MCU: variants seen among roughly 807,000 people sequenced by gnomAD.
MCU encodes mitochondrial calcium uniporter, also known as calcium uniporter protein, mitochondrial.
In MCU, 12 loss-of-function variants were observed where a neutral mutation model predicts 45.2. The ratio of observed to expected loss-of-function variants is 0.27; its 90% CI spans 0.17 to 0.43. The LOEUF is 0.43. Ranked by LOEUF, MCU falls within the 20% of genes least tolerant of loss-of-function variation. MCU has a pLI of 1.00. For synonymous variants in MCU, 160 were observed against 165.1 expected (o/e 0.97, Z 0.24); for missense variants, 324 against 436.7 (o/e 0.74, Z 2.30).
chr10:72,837,288 T>A (rs1844968835), intron 2 of MCU, among the ~76,000 whole-genome samples: 1 of 152,122 alleles, frequency 6.6e-6, no homozygotes, highest in Non-Finnish European at 1.5e-5. Flanking sequence ...TAGGAAATTT[T>A]GCATACAATT....
chr10:72,860,675 A>G (rs541780090), intron 4 of MCU, 148 bp downstream of exon 4: 5 of 606,120 alleles, frequency 8.2e-6, no homozygotes, highest in African/African-American at 5.5e-5. Flanking sequence ...ATTTCAGTTG[A>G]AGAGCTCATT....
Position 72,886,240 on chromosome 10 carries a change from T to C in MCU, c.*418T>C, listed in dbSNP as rs1472970386. On this transcript the variant is annotated 3_prime_UTR_variant, in exon 8 of 8. Transcript: ENST00000373053. Reference sequence around the variant, plus strand: ...TTTTTGACATAGGAGTAAATAAATATACTAGAAAAGCAAATTCTCATGATA... The same window carrying C: ...TTTTTGACATAGGAGTAAATAAATACACTAGAAAAGCAAATTCTCATGATA... 1.3e-5 allele frequency: 2 copies of C among 154,878 alleles called. No individual in the cohort carries two copies. Among genetic ancestry groups the C allele is most frequent in the Non-Finnish European group, 2.9e-5 (2 of 69,528 alleles). 9.6% of individuals were successfully genotyped at this position (154,878 alleles called of 1,614,324 possible).
chr10:72,884,766 G>A lies in MCU; in HGVS notation c.978+384G>A, dbSNP rs536851316. 7.9e-5 allele frequency among the ~76,000 whole-genome samples: 12 copies of A among 151,846 alleles called. No homozygotes were observed. In the South Asian group the frequency reaches 2.3e-3, roughly 29 times the overall value. On this transcript the variant is annotated intron_variant, in intron 7 of 7. Transcript: ENST00000373053. Reference sequence around the variant, plus strand: ...TTTCACAAAAATGTGTGGTAGCAGTGGGGAAAAGTAAAACCCAGGTAAGAG... The same window carrying A: ...TTTCACAAAAATGTGTGGTAGCAGTAGGGAAAAGTAAAACCCAGGTAAGAG...
intron 4 of MCU, among the ~76,000 whole-genome samples, chr10:72,862,850 G>A (rs1447505175): frequency 6.6e-6 from 1 of 151,824 alleles, no homozygotes; most frequent in Non-Finnish European, 1.5e-5. Flanking sequence ...CTTAAGACCA[G>A]GAGTTTGGGA....
chr10:72,734,912 C>T (rs1003008014), intron 1 of MCU, among the ~76,000 whole-genome samples: 5 of 152,014 alleles, frequency 3.3e-5, no homozygotes, highest in East Asian at 1.9e-4. Flanking sequence ...CCCGTCTCTA[C>T]GAATAATTTT....
At chr10:72,803,414 A>G (rs1046723455) in intron 1 of MCU, among the ~76,000 whole-genome samples, 4 of 151,832 alleles carry the variant, frequency 2.6e-5, no homozygotes, top group Admixed American at 1.3e-4. Flanking sequence ...TGCTTGCCAC[A>G]AAGAAAAAAT....
chr10:72,791,483 A>T (rs1392744788), intron 1 of MCU, among the ~76,000 whole-genome samples: 1 of 152,128 alleles, frequency 6.6e-6, no homozygotes, highest in Non-Finnish European at 1.5e-5. Context: ...TTCTCTTTAG[A>T]TAATGTTTCT....
intron 1 of MCU, among the ~76,000 whole-genome samples, chr10:72,697,371 C>T (rs1842701950): frequency 6.6e-6 from 1 of 151,284 alleles, no homozygotes; most frequent in Non-Finnish European, 1.5e-5. Flanking sequence ...CCTGCCTCGG[C>T]CTCCCAAAAT....
At chr10:72,736,247 T>A (rs1240391153) in intron 1 of MCU, among the ~76,000 whole-genome samples, 1 of 152,206 alleles carries the variant, frequency 6.6e-6, no homozygotes, top group Non-Finnish European at 1.5e-5. Flanking sequence ...TTTCTGTAGT[T>A]GATCTGGCTG....
chr10:72,738,647 A>T (rs1239025376), intron 1 of MCU, among the ~76,000 whole-genome samples: 1 of 152,230 alleles, frequency 6.6e-6, no homozygotes, highest in South Asian at 2.1e-4. Context: ...TGGAAATGCT[A>T]TATTTGGCAC....
chr10:72,836,259 A>G (rs1197453721), intron 2 of MCU, among the ~76,000 whole-genome samples: 1 of 152,172 alleles, frequency 6.6e-6, no homozygotes, highest in Non-Finnish European at 1.5e-5. Flanking sequence ...ACATATATCA[A>G]TATATATTCA....
chr10:72,718,916 G>A (rs1564537567), intron 1 of MCU, among the ~76,000 whole-genome samples: 1 of 152,148 alleles, frequency 6.6e-6, no homozygotes, highest in Non-Finnish European at 1.5e-5. Context: ...GAATTCAAAA[G>A]CAGGTAAAAC....
intron 1 of MCU, among the ~76,000 whole-genome samples, chr10:72,750,876 A>G (rs1202588152): frequency 1.3e-5 from 2 of 152,252 alleles, no homozygotes; most frequent in Non-Finnish European, 2.9e-5. Flanking sequence ...ATGAAATCAA[A>G]TAGTTTATAA....
chr10:72,698,031 T>G (rs909803160), intron 1 of MCU, among the ~76,000 whole-genome samples: 2 of 152,138 alleles, frequency 1.3e-5, no homozygotes, highest in Non-Finnish European at 1.5e-5. Context: ...TCCTCTCACT[T>G]TAGCCTCCCA....
At chr10:72,764,312 A>G (rs1029831018) in intron 1 of MCU, among the ~76,000 whole-genome samples, 2 of 152,234 alleles carry the variant, frequency 1.3e-5, no homozygotes, top group African/African-American at 2.4e-5. Flanking sequence ...TTGTCTGCAG[A>G]AGGAACTTGT....
At chr10:72,741,058 G>A (rs1000101563) in intron 1 of MCU, among the ~76,000 whole-genome samples, 1 of 149,742 alleles carries the variant, frequency 6.7e-6, no homozygotes, top group African/African-American at 2.5e-5. Context: ...TAGTTAATGA[G>A]TTTATAATTG....
intron 1 of MCU, among the ~76,000 whole-genome samples, chr10:72,830,688 A>G (rs1370304498): frequency 6.6e-6 from 1 of 152,198 alleles, no homozygotes; most frequent in Non-Finnish European, 1.5e-5. Context: ...GGAGAATAAG[A>G]TAAAAATACA....
chr10:72,877,094 T>A (rs1300203637), intron 6 of MCU, among the ~76,000 whole-genome samples: 1 of 151,946 alleles, frequency 6.6e-6, no homozygotes, highest in Non-Finnish European at 1.5e-5. Context: ...GCTAATTTTT[T>A]AAATATTTTG....
rs775069287 is a variant in MCU at position 72,860,459 on chromosome 10, T to A, written c.428T>A (p.Leu143His). ...VRVAASTGID[L>H]LLLDDFKLVI... ...GTTGCTGCTTCAACAGGAATAGACC[T>A]CCTCCTCCTTGATGACTTTAAGCTG... is the stretch of plus-strand genomic sequence containing the variant. The change falls in exon 4 of 8, where the codon CTC becomes CAC. Residue 143 changes from leucine to histidine, a missense_variant. This residue lies in a region of MCU where 135 missense variants were observed against 207.3 expected (regional missense o/e 0.65). Transcript: ENST00000373053. 2 of 1,613,864 alleles carry A rather than the reference T, an allele frequency of 1.2e-6. No individual in the cohort carries two copies. Among genetic ancestry groups the A allele is most frequent in the Non-Finnish European group, 8.5e-7 (1 of 1,179,806 alleles).
Sources: gnomAD v4.1 joint callset for allele counts (sites outside exome capture counted in the v4.1 genomes callset) on GRCh38, gnomAD v4.1.1 for gene constraint, gnomAD v4.1.1 regional missense constraint, MANE v1.5 for transcripts, NCBI Gene and HGNC (gene_info 2026-07-23, HGNC 2026-07-21) for gene names.